SLC50A1: variants seen among roughly 807,000 people sequenced by gnomAD.
The protein encoded by SLC50A1 is solute carrier family 50 member 1, also known as sugar transporter SWEET1.
In SLC50A1, 22 loss-of-function variants were observed where a neutral mutation model predicts 28.9. The ratio of observed to expected loss-of-function variants is 0.76; its 90% CI spans 0.54 to 1.09. The LOEUF (loss-of-function observed/expected upper bound fraction) is 1.09. SLC50A1 is among the 50% of genes least tolerant of loss of function. SLC50A1 has a pLI of 0.00. For synonymous variants in SLC50A1, 96 were observed against 110.6 expected, an observed-to-expected ratio of 0.87 and a Z score of 0.83; for missense variants, 233 against 273.4, an observed-to-expected ratio of 0.85 and a Z score of 1.04.
chr1:155,135,786 C>A (rs1319807567), upstream of SLC50A1: 4 of 1,553,388 alleles, frequency 2.6e-6, no homozygotes, highest in South Asian at 1.2e-5. Context: ...AGGGACGGCC[C>A]GAGCGTGCGG....
rs1056867768 is a variant in SLC50A1, at chr1:155,135,856, C to A, written c.-56C>A. The A allele has an allele frequency of 8.1e-6, 13 of 1,610,016 alleles. No homozygotes were observed. The highest frequency in any genetic ancestry group is 1.1e-5 in the Non-Finnish European group (13 of 1,178,344). The stretch of plus-strand genomic sequence containing the variant: ...GCCGCAGGTCTGGGCTGCAGTAGGT[C>A]CCGGCAACCGCAGGCTCGCGGCGGG... On this transcript the variant is annotated 5_prime_UTR_variant, in exon 1 of 6. Coordinates refer to ENST00000368404, the MANE Select transcript of SLC50A1 (RefSeq NM_018845.4).
intron 2 of SLC50A1, 86 bp from the exon 3 acceptor site, chr1:155,136,742 C>CAAA (rs879631277): frequency 6.5e-6 from 8 of 1,235,044 alleles, no homozygotes; most frequent in East Asian, 5.6e-5. Context: ...GACTACGTCT[C>CAAA]AAAAAAAAAA....
In SLC50A1 at chr1:155,138,488, A is replaced by ATT; in HGVS notation, c.*217_*218dup. Reference sequence around the variant, plus strand: ...TGAAATCACTTTTTATTTTTTAGAGATTTTTTTTTTTAATTTTGGAGGTTG... The same window carrying ATT: ...TGAAATCACTTTTTATTTTTTAGAGATTTTTTTTTTTTTAATTTTGGAGGTTG... On this transcript the variant is annotated 3_prime_UTR_variant, in exon 6 of 6. Coordinates refer to ENST00000368404, the MANE Select transcript of SLC50A1 (RefSeq NM_018845.4). 8.1e-6 allele frequency: 4 copies of ATT among 493,270 alleles called. No individual in the cohort carries two copies. The highest frequency in any genetic ancestry group is 5.7e-5 in the South Asian group (2 of 34,872). The allele number at this position is 493,270 out of a possible 1,614,324, so 30.6% of individuals were successfully genotyped here. A position where few individuals can be genotyped will look rare whatever the true frequency, so the allele number is the denominator to read the frequency against.
upstream of SLC50A1, chr1:155,135,814 CG>C (rs1423136412): frequency 1.3e-6 from 2 of 1,571,720 alleles, no homozygotes; most frequent in African/African-American, 2.7e-5. Flanking sequence ...GCCGAGTGCG[CG>C]GGGCGGGGCT....
At position 155,138,540 on chromosome 1, in the gene SLC50A1, A is replaced by C. The variant is rs1408012335; in HGVS notation, c.*259A>C. 2 of 464,028 alleles carry C rather than the reference A, an allele frequency of 4.3e-6. No individual in the cohort carries two copies. The highest frequency in any genetic ancestry group is 3.9e-5 in the African/African-American group (2 of 50,948). The allele number at this position is 464,028 out of a possible 1,614,324, so 28.7% of individuals were successfully genotyped here. On this transcript the variant is annotated 3_prime_UTR_variant, in exon 6 of 6. Transcript: ENST00000368404. ...GGTGCAATCTTTAGAATATGCCTTAAAAGGCCGGGCGCGGTGGCTCACGCC... is the reference window on the plus strand; with the variant it reads ...GGTGCAATCTTTAGAATATGCCTTACAAGGCCGGGCGCGGTGGCTCACGCC...
rs575990741 is a variant in SLC50A1, at chr1:155,136,730, G to A, written c.159-98G>A. 6.1e-4 allele frequency: 916 copies of A among 1,502,666 alleles called. 10 individuals are homozygous for A. Among genetic ancestry groups the A allele is most frequent in the Non-Finnish European group, 1.5e-4 (163 of 1,108,744 alleles). 93.1% of individuals were successfully genotyped at this position (1,502,666 alleles called of 1,614,324 possible). On this transcript the variant is annotated intron_variant, in intron 2 of 5. Coordinates refer to ENST00000368404, the MANE Select transcript of SLC50A1 (RefSeq NM_018845.4). ...CGCACTCCAGCCTGGGCGACAGAGC[G>A]AGACTACGTCTCAAAAAAAAAAAAA...
rs1293245874 is a variant in SLC50A1 at position 155,135,955 on chromosome 1, G to A, written c.44G>A (p.Cys15Tyr). The change falls in exon 1 of 6, where the codon TGC becomes TAC. Residue 15 changes from cysteine (C) to tyrosine (Y), a missense_variant. Cys to Tyr is a radical substitution (Grantham distance 194). Coordinates refer to ENST00000368404, the MANE Select transcript of SLC50A1 (RefSeq NM_018845.4). ...CTGGACTCGCTCATTTACGGAGCAT[G>A]CGTGGTCTTCACCCTTGGCATGTTC... ...GFLDSLIYGACVVFTLGMFSA... is the reference protein window; with the variant it reads ...GFLDSLIYGAYVVFTLGMFSA... 3 of 1,614,146 alleles carry A rather than the reference G, an allele frequency of 1.9e-6. No homozygotes were observed. The South Asian group carries it at 3.3e-5, about 18-fold the overall frequency.
chr1:155,137,808 G>C, intron 4 of SLC50A1, 86 bp downstream of exon 4: 2 of 1,585,618 alleles, frequency 1.3e-6, no homozygotes, highest in Non-Finnish European at 1.7e-6. Flanking sequence ...CGAGGAAGGG[G>C]AGATCCAAAC....
chr1:155,136,064 G>T, intron 1 of SLC50A1, 73 bp downstream of exon 1: 1 of 1,556,476 alleles, frequency 6.4e-7, no homozygotes. Context: ...CAGAGACGTG[G>T]CCACAGCACC....
chr1:155,137,230 A>AT, intron 3 of SLC50A1: 1 of 549,634 alleles, frequency 1.8e-6, no homozygotes, highest in Non-Finnish European at 3.2e-6. Context: ...TTTGTCTCTG[A>AT]TATTTCTTTC....
upstream of SLC50A1, chr1:155,135,737 G>A: frequency 6.5e-7 from 1 of 1,549,498 alleles, no homozygotes; most frequent in Middle Eastern, 1.9e-4. Context: ...GTTCCGGTTC[G>A]GCGTCGGAGG....
rs1195257337 is a variant in SLC50A1 at position 155,138,039 on chromosome 1, C to T, written c.505C>T (p.Leu169Phe). 1 of 1,614,170 alleles carries T rather than the reference C, an allele frequency of 6.2e-7. No individual in the cohort carries two copies. The highest frequency in any genetic ancestry group is 2.2e-5 in the East Asian group (1 of 44,886). The part of the protein sequence containing the change: ...CLSYPLTIAT[L>F]LTSASWCLYG... ...CTCCTACCCACTCACCATTGCTACC[C>T]TTCTCACCTCTGCCTCCTGGTGCCT... The change falls in exon 5 of 6, where the codon CTT becomes TTT. Residue 169 changes from leucine (L) to phenylalanine (F), a missense_variant. Coordinates refer to ENST00000368404, the MANE Select transcript of SLC50A1 (RefSeq NM_018845.4).
chr1:155,137,668 C>T lies in SLC50A1; in HGVS notation c.390C>T (p.Gly130=). 6.2e-7 allele frequency: 1 copy of T among 1,614,194 alleles called. No homozygotes were observed. The highest frequency in any genetic ancestry group is 1.3e-5 in the African/African-American group (1 of 75,038). ...PNPEARLQQL[G]LFCSVFTISM... ...CTGAGGCCCGGCTTCAGCAGTTGGG[C>T]CTCTTCTGCAGTGTCTTCACCATCA... Residue 130 remains glycine (G), a synonymous_variant, in exon 4 of 6, where the codon GGC becomes GGT. Transcript: ENST00000368404.
upstream of SLC50A1, chr1:155,135,849 A>T (rs1664408852): frequency 3.1e-6 from 5 of 1,607,838 alleles, no homozygotes; most frequent in Admixed American, 6.8e-5. Flanking sequence ...TCTGGGCTGC[A>T]GTAGGTCCCG....
intron 1 of SLC50A1, 122 bp downstream of exon 1, chr1:155,136,113 G>A: frequency 7.8e-7 from 1 of 1,289,062 alleles, no homozygotes; most frequent in Non-Finnish European, 1.1e-6. Flanking sequence ...GGATCGGGTC[G>A]AGGGGACCGG....
intron 3 of SLC50A1, among the ~76,000 whole-genome samples, chr1:155,137,304 C>A (rs1329142931): frequency 6.6e-6 from 1 of 152,224 alleles, no homozygotes; most frequent in Non-Finnish European, 1.5e-5. Context: ...ATCACACAAG[C>A]ATTTATGAAG....
chr1:155,136,348 T>G lies in SLC50A1; in HGVS notation c.130T>G (p.Phe44Val), dbSNP rs939804952. 2.5e-6 allele frequency: 4 copies of G among 1,612,272 alleles called. No homozygotes were observed. The African/African-American group carries it at 5.3e-5, about 22-fold the overall frequency. ...RMTRSVDNVQ[F>V]LPFLTTEVNN... ...GACCCGGAGTGTGGACAACGTCCAG[T>G]TCCTGCCCTTTCTCACCACGGAAGT... Residue 44 changes from phenylalanine (F) to valine (V), a missense_variant, in exon 2 of 6, where the codon TTC becomes GTC. Phe to Val is a conservative substitution (Grantham distance 50). Coordinates refer to ENST00000368404, the MANE Select transcript of SLC50A1 (RefSeq NM_018845.4).
chr1:155,136,284 G>T lies in SLC50A1; in HGVS notation c.81-15G>T, dbSNP rs773338340. The T allele has an allele frequency of 1.4e-6, 2 of 1,469,828 alleles. No homozygotes were observed. The highest frequency in any genetic ancestry group is 2.3e-5 in the East Asian group (1 of 43,268). The allele number at this position is 1,469,828 out of a possible 1,614,324, so 91.0% of individuals were successfully genotyped here. ...CCTTCCCACCCCCACCCCTCCCTTC[G>T]GGGCCCCATTACAGCTCGGACCTCA... On this transcript the variant is annotated splice_polypyrimidine_tract_variant and intron_variant, in intron 1 of 5. Coordinates refer to ENST00000368404, the MANE Select transcript of SLC50A1 (RefSeq NM_018845.4).
At chr1:155,135,609 T>C, upstream of SLC50A1, 1 of 1,549,622 alleles carries the variant, frequency 6.5e-7, no homozygotes, top group Non-Finnish European at 8.7e-7. Context: ...GTAGGCAGAG[T>C]GTGAGCAGCG....
Sources: gnomAD v4.1 joint callset for allele counts (sites outside exome capture counted in the v4.1 genomes callset) on GRCh38, gnomAD v4.1.1 for gene constraint, MANE v1.5 for transcripts, NCBI Gene and HGNC (gene_info 2026-07-23, HGNC 2026-07-21) for gene names.